The following KIAA0232 variants were observed in gnomAD, a reference collection of about 807,000 sequenced individuals.
The protein encoded by KIAA0232 is KIAA0232, also known as uncharacterized protein KIAA0232.
A neutral mutation model predicts 122.0 loss-of-function variants in KIAA0232; 27 were observed. The observed-to-expected ratio is 0.22, with a 90% CI of 0.16 to 0.31. The LOEUF (loss-of-function observed/expected upper bound fraction) is 0.31, where lower values mean the gene tolerates loss of function less well. Among genes scored for constraint, KIAA0232 ranks in the 10% least tolerant of loss-of-function variants. KIAA0232 has a pLI of 1.00. For missense variants in KIAA0232, 1,551 were observed against 1,634.2 expected, an observed-to-expected ratio of 0.95 and a Z score of 0.88; for synonymous variants, 613 against 587.6, an observed-to-expected ratio of 1.04 and a Z score of -0.63.
chr4:6,828,250 T>A (rs1032314803), intron 3 of KIAA0232, among the ~76,000 whole-genome samples: 5 of 152,212 alleles, frequency 3.3e-5, no homozygotes, highest in Non-Finnish European at 5.9e-5. Flanking sequence ...GGGGTTTACC[T>A]GTAGTCCCAG....
intron 3 of KIAA0232, among the ~76,000 whole-genome samples, chr4:6,833,181 C>G (rs754504780): frequency 6.6e-6 from 1 of 152,170 alleles, no homozygotes; most frequent in East Asian, 1.9e-4. Context: ...GACCATAAAG[C>G]GCTCCTCGTG....
chr4:6,854,937 A>C (rs73080540), intron 4 of KIAA0232, among the ~76,000 whole-genome samples: 3,730 of 152,236 alleles, frequency 0.025, 154 homozygotes, highest in African/African-American at 0.085. Context: ...AGTGAATAAA[A>C]ATTTCTCATT....
At chr4:6,810,695 A>G (rs1223014151) in intron 2 of KIAA0232, among the ~76,000 whole-genome samples, 1 of 152,228 alleles carries the variant, frequency 6.6e-6, no homozygotes, top group Non-Finnish European at 1.5e-5. Context: ...TAGGGAACTG[A>G]TATCCAGAAT....
chr4:6,838,565 A>ATAT (rs762912289), intron 3 of KIAA0232, among the ~76,000 whole-genome samples: 13 of 152,074 alleles, frequency 8.5e-5, no homozygotes, highest in Non-Finnish European at 1.8e-4. Flanking sequence ...CCTGATAGAT[A>ATAT]TATTATTATT....
At chr4:6,783,055 A>G (rs1463634167) in intron 1 of KIAA0232, among the ~76,000 whole-genome samples, 2 of 143,484 alleles carry the variant, frequency 1.4e-5, no homozygotes, top group African/African-American at 2.7e-5. Flanking sequence ...GCCGCCGCCG[A>G]GGGCTCCGGG....
Position 6,863,734 on chromosome 4 carries a change from C to A in KIAA0232, c.3352C>A (p.Pro1118Thr), listed in dbSNP as rs771809050. The A allele has an allele frequency of 4.3e-6, 7 of 1,614,010 alleles. No homozygotes were observed. The African/African-American group carries it at 9.3e-5, about 22-fold the overall frequency. Reference sequence around the variant, plus strand: ...CCCAATTTCTGCATCCGAACTGTCCCCAGGAGGAGGAAGCGAGTCAGAATT... The same window carrying A: ...CCCAATTTCTGCATCCGAACTGTCCACAGGAGGAGGAAGCGAGTCAGAATT... Reference protein sequence around the residue: ...FRPISASELSPGGGSESEFES... With the variant: ...FRPISASELSTGGGSESEFES... The change falls in exon 7 of 10, where the codon CCA becomes ACA. Residue 1118 changes from proline to threonine, a missense_variant. Pro to Thr is a conservative substitution (Grantham distance 38). Around this residue, in one of 5 missense-constraint regions of KIAA0232, gnomAD observed 1,108 missense variants for 1,154.8 expected, o/e 0.96. Transcript: ENST00000307659.
At chr4:6,820,486 G>C (rs1718369185) in intron 2 of KIAA0232, among the ~76,000 whole-genome samples, 2 of 152,000 alleles carry the variant, frequency 1.3e-5, no homozygotes. Flanking sequence ...GATGTGTTTA[G>C]GTCATTTACA....
At chr4:6,800,090 C>G (rs1162289823) in intron 1 of KIAA0232, among the ~76,000 whole-genome samples, 1 of 92,304 alleles carries the variant, frequency 1.1e-5, no homozygotes, top group African/African-American at 4.4e-5. Flanking sequence ...TGGAGTCTCA[C>G]TCTGTCGCCC....
intron 7 of KIAA0232, among the ~76,000 whole-genome samples, chr4:6,865,016 C>G (rs372829273): frequency 6.6e-6 from 1 of 152,192 alleles, no homozygotes; most frequent in South Asian, 2.1e-4. Context: ...AGAACCTATA[C>G]AGATGTATCT....
intron 7 of KIAA0232, among the ~76,000 whole-genome samples, chr4:6,867,274 G>A (rs761152831): frequency 6.6e-6 from 1 of 152,240 alleles, no homozygotes; most frequent in African/African-American, 2.4e-5. Context: ...TCCAGCCTGT[G>A]AAGGTTGAGG....
In KIAA0232 at chr4:6,861,853, C is replaced by G. The variant is rs764278291; in HGVS notation, c.1471C>G (p.Leu491Val). 4 of 1,614,056 alleles carry G rather than the reference C, an allele frequency of 2.5e-6. No individual in the cohort carries two copies. The highest frequency in any genetic ancestry group is 2.5e-6 in the Non-Finnish European group (3 of 1,179,968). ...IDLTGTSLCS[L>V]PEDNKYLDDI... ...CCTCACTGGGACCTCATTATGTTCTCTACCAGAGGACAATAAATACCTGGA... is the reference window on the plus strand; with the variant it reads ...CCTCACTGGGACCTCATTATGTTCTGTACCAGAGGACAATAAATACCTGGA... The change falls in exon 7 of 10, where the codon CTA (leucine) becomes GTA (valine). Residue 491 changes from leucine (L) to valine (V), a missense_variant. Around this residue, in one of 5 missense-constraint regions of KIAA0232, gnomAD observed 1,108 missense variants for 1,154.8 expected, o/e 0.96. Coordinates refer to ENST00000307659, the MANE Select transcript of KIAA0232 (RefSeq NM_014743.3).
At chr4:6,878,244 G>GTAAT (rs1721854927) in intron 9 of KIAA0232, among the ~76,000 whole-genome samples, 1 of 152,076 alleles carries the variant, frequency 6.6e-6, no homozygotes, top group South Asian at 2.1e-4. Context: ...GCGTGATGGT[G>GTAAT]CACCCCTGTA....
Position 6,862,717 on chromosome 4 carries a change from A to G in KIAA0232, c.2335A>G (p.Thr779Ala). ...QNSRTLGEIP[T>A]LVFKKTSKLE... ...CAGTAGAACTTTAGGTGAGATTCCT[A>G]CATTAGTTTTCAAAAAAACATCTAA... is the stretch of plus-strand genomic sequence containing the variant. Residue 779 changes from threonine to alanine, a missense_variant, in exon 7 of 10, where the codon ACA becomes GCA. Thr to Ala is a moderately conservative substitution (Grantham distance 58). Around this residue, in one of 5 missense-constraint regions of KIAA0232, gnomAD observed 1,108 missense variants for 1,154.8 expected, o/e 0.96. Coordinates refer to ENST00000307659, the MANE Select transcript of KIAA0232 (RefSeq NM_014743.3). 2 of 1,610,948 alleles carry G rather than the reference A, an allele frequency of 1.2e-6. No homozygotes were observed. Among genetic ancestry groups the G allele is most frequent in the Non-Finnish European group, 1.7e-6 (2 of 1,179,272 alleles).
intron 2 of KIAA0232, among the ~76,000 whole-genome samples, chr4:6,822,391 G>A (rs1209613711): frequency 6.6e-6 from 1 of 152,142 alleles, no homozygotes; most frequent in Non-Finnish European, 1.5e-5. Context: ...TTACTACATA[G>A]TGATAGATAA....
At chr4:6,857,812 T>G (rs537298061) in intron 5 of KIAA0232, among the ~76,000 whole-genome samples, 30 of 152,352 alleles carry the variant, frequency 2.0e-4, no homozygotes, top group African/African-American at 6.5e-4. Context: ...GACCTTCATA[T>G]TAAGGGTGAG....
In KIAA0232 at chr4:6,831,795, T is replaced by C. The variant is rs1718996340; in HGVS notation, c.231+7111T>C. ...TTCCTCTTGCTTGGACCTTGGCATC[T>C]GTATCTCAGGTGTTCTCCCTCTGGC... is the stretch of plus-strand genomic sequence containing the variant. On this transcript the variant is annotated intron_variant, in intron 3 of 9. Coordinates refer to ENST00000307659, the MANE Select transcript of KIAA0232 (RefSeq NM_014743.3). Among the ~76,000 whole-genome samples the C allele has an allele frequency of 2.6e-5, 4 of 152,360 alleles. No homozygotes were observed. The South Asian group carries it at 8.3e-4, about 32-fold the overall frequency.
chr4:6,833,665 A>G (rs1163833675), intron 3 of KIAA0232, among the ~76,000 whole-genome samples: 1 of 152,128 alleles, frequency 6.6e-6, no homozygotes, highest in Non-Finnish European at 1.5e-5. Flanking sequence ...AAGGAAGAAG[A>G]AAGTGTTCAT....
At chr4:6,806,839 G>C (rs943943604) in intron 2 of KIAA0232, among the ~76,000 whole-genome samples, 2 of 150,330 alleles carry the variant, frequency 1.3e-5, no homozygotes, top group Non-Finnish European at 3.0e-5. Flanking sequence ...CATTTCCTCA[G>C]TAGAGGAAAG....
intron 9 of KIAA0232, among the ~76,000 whole-genome samples, chr4:6,877,789 A>G (rs1721834425): frequency 6.6e-6 from 1 of 152,114 alleles, no homozygotes; most frequent in African/African-American, 2.4e-5. Context: ...CACTGGATCA[A>G]ATGTTAATCT....
Sources: allele counts gnomAD v4.1 joint callset (sites outside exome capture counted in the v4.1 genomes callset), GRCh38; gene constraint gnomAD v4.1.1; regional missense constraint gnomAD v4.1.1; transcripts MANE v1.5; gene names NCBI Gene and HGNC (gene_info 2026-07-23, HGNC 2026-07-21).